RABEP1: variants seen among roughly 807,000 people sequenced by gnomAD.
RABEP1 encodes the protein rab GTPase-binding effector protein 1.
A neutral mutation model predicts 123.4 loss-of-function variants in RABEP1; 51 were observed. That is an observed-to-expected ratio of 0.41 (90% CI 0.33 to 0.52). The LOEUF (loss-of-function observed/expected upper bound fraction) is 0.52. Ranked by LOEUF, RABEP1 falls within the 20% of genes least tolerant of loss-of-function variation. The pLI is 0.16. For missense variants in RABEP1, 888 were observed against 996.3 expected (o/e 0.89, Z 1.46); for synonymous variants, 347 against 355.2 (o/e 0.98, Z 0.26).
At chr17:5,294,316 G>A (rs1426279051) in intron 1 of RABEP1, among the ~76,000 whole-genome samples, 4 of 152,046 alleles carry the variant, frequency 2.6e-5, no homozygotes, top group African/African-American at 9.7e-5. Flanking sequence ...CCCGGGAGGC[G>A]GAGGTTGCAG....
chr17:5,369,130 T>C (rs969973958), intron 12 of RABEP1, among the ~76,000 whole-genome samples: 4 of 151,804 alleles, frequency 2.6e-5, no homozygotes, highest in African/African-American at 9.7e-5. Flanking sequence ...AAAATAACCT[T>C]ATTAGTTTCA....
intron 1 of RABEP1, among the ~76,000 whole-genome samples, chr17:5,293,726 T>C (rs1046299503): frequency 6.6e-6 from 1 of 152,184 alleles, no homozygotes; most frequent in African/African-American, 2.4e-5. Context: ...ATTTTTGTTA[T>C]AAAGAAATCT....
chr17:5,288,673 G>T (rs907608118), intron 1 of RABEP1, among the ~76,000 whole-genome samples: 8 of 152,054 alleles, frequency 5.3e-5, no homozygotes, highest in African/African-American at 1.9e-4. Flanking sequence ...GGGATTACAG[G>T]CGTGAGCCAC....
intron 1 of RABEP1, among the ~76,000 whole-genome samples, chr17:5,291,282 C>T (rs979720372): frequency 4.6e-5 from 7 of 152,084 alleles, no homozygotes; most frequent in East Asian, 1.9e-4. Flanking sequence ...TGGTGGTGGG[C>T]ACGTGTAACC....
At chr17:5,305,615 G>T (rs949549764) in intron 1 of RABEP1, among the ~76,000 whole-genome samples, 1 of 152,054 alleles carries the variant, frequency 6.6e-6, no homozygotes. Flanking sequence ...TAAGAACAGA[G>T]GGATTTTGGT....
At chr17:5,315,113 A>AAG (rs1270893463) in intron 2 of RABEP1, among the ~76,000 whole-genome samples, 1 of 152,238 alleles carries the variant, frequency 6.6e-6, no homozygotes, top group Non-Finnish European at 1.5e-5. Context: ...TAAAGCTGTT[A>AAG]CGCTAACTAA....
intron 16 of RABEP1, 136 bp from the exon 17 acceptor site, chr17:5,381,253 A>G (rs1911426359): frequency 1.6e-6 from 2 of 1,232,426 alleles, no homozygotes; most frequent in Non-Finnish European, 2.2e-6. Flanking sequence ...ATAGATAAAG[A>G]GATTGGTCGT....
chr17:5,373,521 T>C (rs1196191993), intron 13 of RABEP1, 67 bp downstream of exon 13: 15 of 1,478,262 alleles, frequency 1.0e-5, no homozygotes, highest in Non-Finnish European at 1.4e-5. Flanking sequence ...GTATGTTCTT[T>C]ATGTAAACAG....
intron 2 of RABEP1, among the ~76,000 whole-genome samples, chr17:5,323,427 T>C (rs1905583604): frequency 6.6e-6 from 1 of 152,136 alleles, no homozygotes; most frequent in Non-Finnish European, 1.5e-5. Context: ...TGTTCACAGA[T>C]GACACAGTCT....
Position 5,282,402 on chromosome 17 carries a change from A to T in RABEP1, c.-85A>T. 2 of 1,105,382 alleles carry T rather than the reference A, an allele frequency of 1.8e-6. No individual in the cohort carries two copies. The highest frequency in any genetic ancestry group is 2.4e-6 in the Non-Finnish European group (2 of 835,898). 68.5% of individuals were successfully genotyped at this position (1,105,382 alleles called of 1,614,324 possible). ...GGCGGCGGCGGCGGCGGCTCGGTTG[A>T]CGCCTCCTCCGCCAGCTGAGCCCGC... On this transcript the variant is annotated 5_prime_UTR_variant, in exon 1 of 18. Transcript: ENST00000537505.
chr17:5,375,632 G>A (rs993784770), intron 13 of RABEP1, among the ~76,000 whole-genome samples: 2 of 152,038 alleles, frequency 1.3e-5, no homozygotes, highest in African/African-American at 4.8e-5. Context: ...CCTGAGCCCA[G>A]GAGGTCAAAG....
At chr17:5,343,523 G>T (rs1907792525) in intron 5 of RABEP1, among the ~76,000 whole-genome samples, 1 of 152,078 alleles carries the variant, frequency 6.6e-6, no homozygotes, top group African/African-American at 2.4e-5. Flanking sequence ...TTGGGCCACT[G>T]CACTCCAGCC....
At chr17:5,376,075 A>G (rs1910969062) in intron 13 of RABEP1, among the ~76,000 whole-genome samples, 1 of 152,102 alleles carries the variant, frequency 6.6e-6, no homozygotes, top group South Asian at 2.1e-4. Context: ...TCTCGACCTC[A>G]AGGAATCCGC....
intron 13 of RABEP1, among the ~76,000 whole-genome samples, chr17:5,373,929 T>G (rs1008968742): frequency 6.6e-6 from 1 of 152,178 alleles, no homozygotes; most frequent in Non-Finnish European, 1.5e-5. Context: ...ATCTATGTTA[T>G]TTTTGTCGGC....
chr17:5,312,673 G>A (rs889347615), intron 2 of RABEP1, among the ~76,000 whole-genome samples: 1 of 152,074 alleles, frequency 6.6e-6, no homozygotes, highest in Non-Finnish European at 1.5e-5. Flanking sequence ...TCTAGTCATG[G>A]TGGCACTCTG....
At chr17:5,285,762 G>A (rs1018240779) in intron 1 of RABEP1, among the ~76,000 whole-genome samples, 1 of 152,172 alleles carries the variant, frequency 6.6e-6, no homozygotes, top group Non-Finnish European at 1.5e-5. Context: ...CAGCTATTAA[G>A]TGGGGGAGCA....
intron 11 of RABEP1, among the ~76,000 whole-genome samples, chr17:5,367,295 T>C (rs566887823): frequency 6.6e-6 from 1 of 151,500 alleles, no homozygotes; most frequent in South Asian, 2.1e-4. Flanking sequence ...GTAAAACTTT[T>C]TTGTCTCGCT....
chr17:5,320,539 T>C (rs956693188), intron 2 of RABEP1, among the ~76,000 whole-genome samples: 1 of 149,172 alleles, frequency 6.7e-6, no homozygotes, highest in Admixed American at 6.7e-5. Flanking sequence ...AAAAGACAAA[T>C]CTACCAAGAA....
At chr17:5,329,969 G>C (rs995405584) in intron 2 of RABEP1, among the ~76,000 whole-genome samples, 3 of 152,040 alleles carry the variant, frequency 2.0e-5, no homozygotes, top group African/African-American at 4.8e-5. Flanking sequence ...ACATGGTAGT[G>C]AATAGCTCTG....
Sources: gnomAD v4.1 joint callset for allele counts (sites outside exome capture counted in the v4.1 genomes callset) on GRCh38, gnomAD v4.1.1 for gene constraint, MANE v1.5 for transcripts, NCBI Gene and HGNC (gene_info 2026-07-23, HGNC 2026-07-21) for gene names.